The following MSH3 variants were observed in gnomAD, a reference collection of about 807,000 sequenced individuals.
MSH3 encodes the protein DNA mismatch repair protein Msh3.
MSH3 carries 106 observed loss-of-function variants against 123.3 expected under a neutral mutation model. The ratio of observed to expected loss-of-function variants is 0.86; its 90% CI spans 0.73 to 1.01. MSH3 has a LOEUF of 1.01. Ranked by LOEUF, MSH3 falls within the 50% of genes least tolerant of loss-of-function variation. MSH3 has a pLI of 0.00. For missense variants in MSH3, 1,459 were observed against 1,347.6 expected (o/e 1.08, Z -1.29); for synonymous variants, 515 against 481.4 (o/e 1.07, Z -0.91).
chr5:80,779,251 C>T (rs933633397), intron 17 of MSH3, among the ~76,000 whole-genome samples: 1 of 152,078 alleles, frequency 6.6e-6, no homozygotes, highest in African/African-American at 2.4e-5. Context: ...CCTCAGCCTC[C>T]CAAAGTGCTG....
chr5:80,812,749 G>A (rs1289542315), intron 19 of MSH3, among the ~76,000 whole-genome samples: 1 of 151,964 alleles, frequency 6.6e-6, no homozygotes, highest in Non-Finnish European at 1.5e-5. Flanking sequence ...TGTATAGTTG[G>A]GGTTTTGCCA....
At chr5:80,770,663 A>G (rs1177698009) in intron 15 of MSH3, among the ~76,000 whole-genome samples, 1 of 152,226 alleles carries the variant, frequency 6.6e-6, no homozygotes. Flanking sequence ...TAGTCTTTCT[A>G]TTATATTAAT....
At chr5:80,673,579 A>G (rs1164120519) in intron 6 of MSH3, among the ~76,000 whole-genome samples, 2 of 152,162 alleles carry the variant, frequency 1.3e-5, no homozygotes. Flanking sequence ...TGAAAAGAGA[A>G]CTGGCTGAAG....
At chr5:80,786,167 ATAAAT>A (rs1054623032) in intron 17 of MSH3, among the ~76,000 whole-genome samples, 29 of 152,010 alleles carry the variant, frequency 1.9e-4, no homozygotes, top group African/African-American at 5.8e-4. Context: ...TAATTAAAAA[ATAAAT>A]TAAAAAAAAG....
At chr5:80,660,973 A>G (rs2112805883) in intron 2 of MSH3, among the ~76,000 whole-genome samples, 1 of 152,036 alleles carries the variant, frequency 6.6e-6, no homozygotes, top group East Asian at 1.9e-4. Flanking sequence ...TAATTTTTGT[A>G]TTTTTAATAG....
Position 80,873,163 on chromosome 5 carries a change from A to G in MSH3, c.3178A>G (p.Thr1060Ala), listed in dbSNP as rs777682307. Residue 1060 changes from threonine (T) to alanine (A), a missense_variant, in exon 23 of 24, where the codon ACT (threonine) becomes GCT (alanine). Transcript: ENST00000265081. Reference protein sequence around the residue: ...PDFVTFLYQITRGIAARSYGL... With the variant: ...PDFVTFLYQIARGIAARSYGL... Reference sequence around the variant, plus strand: ...TTTTGTCACCTTCCTTTACCAAATAACTAGAGGAATTGCAGCAAGGAGTTA... The same window carrying G: ...TTTTGTCACCTTCCTTTACCAAATAGCTAGAGGAATTGCAGCAAGGAGTTA... 3 of 1,613,834 alleles carry G rather than the reference A, an allele frequency of 1.9e-6. No individual in the cohort carries two copies. Among genetic ancestry groups the G allele is most frequent in the Non-Finnish European group, 2.5e-6 (3 of 1,179,736 alleles).
chr5:80,843,137 C>G (rs1745656842), intron 20 of MSH3, among the ~76,000 whole-genome samples: 1 of 151,814 alleles, frequency 6.6e-6, no homozygotes, highest in East Asian at 1.9e-4. Flanking sequence ...TTGTTGAAGG[C>G]CTTTTCTACA....
chr5:80,789,065 T>A (rs191996408), intron 18 of MSH3, among the ~76,000 whole-genome samples: 9 of 152,290 alleles, frequency 5.9e-5, no homozygotes, highest in African/African-American at 2.2e-4. Flanking sequence ...GATGTAAATT[T>A]TAGTGCAGAA....
rs1339944312 is a variant in MSH3, at chr5:80,768,986, A to G, written c.2236A>G (p.Thr746Ala). The change falls in exon 15 of 24, where the codon ACA (threonine) becomes GCA (alanine). Residue 746 changes from threonine to alanine, a missense_variant. Thr to Ala is a moderately conservative substitution (Grantham distance 58). Transcript: ENST00000265081. Reference sequence around the variant, plus strand: ...AAAAAATCCTTCTGCACAATATGTGACAGTATCAGGACAGGAGGTAATGTC... The same window carrying G: ...AAAAAATCCTTCTGCACAATATGTGGCAGTATCAGGACAGGAGGTAATGTC... Reference protein sequence around the residue: ...ILKNPSAQYVTVSGQEFMIEI... With the variant: ...ILKNPSAQYVAVSGQEFMIEI... 1 of 1,612,928 alleles carries G rather than the reference A, an allele frequency of 6.2e-7. No individual in the cohort carries two copies. Among genetic ancestry groups the G allele is most frequent in the Admixed American group, 1.7e-5 (1 of 59,984 alleles).
At position 80,775,721 on chromosome 5, in the gene MSH3, G is replaced by T. The variant is rs376555325; in HGVS notation, c.2281G>T (p.Val761Leu). 1.3e-5 allele frequency: 20 copies of T among 1,586,736 alleles called. No individual in the cohort carries two copies. In the African/African-American group the frequency reaches 2.0e-4, roughly 16 times the overall value. The change falls in exon 16 of 24, where the codon GTA (valine) becomes TTA (leucine). Residue 761 changes from valine (V) to leucine (L), a missense_variant. Val to Leu is a conservative substitution (Grantham distance 32). Transcript: ENST00000265081. Reference protein sequence around the residue: ...EFMIEIKNSAVSCIPTDWVKV... With the variant: ...EFMIEIKNSALSCIPTDWVKV... ...TATGATAGAAATAAAGAACTCTGCT[G>T]TATCTTGTATACCAACTGATTGGGT...
intron 20 of MSH3, among the ~76,000 whole-genome samples, chr5:80,846,942 A>G (rs1008818108): frequency 2.6e-5 from 4 of 151,456 alleles, no homozygotes; most frequent in African/African-American, 4.9e-5. Context: ...ACCAGTCCCA[A>G]TGAGATAAAG....
At chr5:80,809,906 A>AT (rs569332627) in intron 19 of MSH3, among the ~76,000 whole-genome samples, 197 of 152,196 alleles carry the variant, frequency 1.3e-3, no homozygotes, top group African/African-American at 4.5e-3. Context: ...AATTTATTTG[A>AT]TTTTTTATGA....
At chr5:80,738,902 G>A (rs552707028) in intron 10 of MSH3, among the ~76,000 whole-genome samples, 3 of 152,288 alleles carry the variant, frequency 2.0e-5, no homozygotes, top group African/African-American at 4.8e-5. Context: ...AAGACTTAAA[G>A]GAACTGTTTG....
chr5:80,792,809 CA>C lies in MSH3; in HGVS notation c.2621del (p.Gln874ArgfsTer18), dbSNP rs762828205. ...TGTGATTGATGTGTTGCTGGGAGAA[CA>C]GGATCAATATGTCCCAAATAATACA... ...HPVIDVLLGE[Q>X]DQYVPNNTDL... On this transcript the variant is annotated frameshift_variant, in exon 19 of 24. Transcript: ENST00000265081. LOFTEE classifies it high-confidence loss of function. The C allele has an allele frequency of 6.2e-7, 1 of 1,612,780 alleles. No individual in the cohort carries two copies. Among genetic ancestry groups the C allele is most frequent in the South Asian group, 1.1e-5 (1 of 91,008 alleles).
intron 20 of MSH3, among the ~76,000 whole-genome samples, chr5:80,845,306 G>T (rs1043849978): frequency 9.9e-5 from 15 of 152,108 alleles, no homozygotes; most frequent in Admixed American, 6.6e-5. Flanking sequence ...GTGGGTAACC[G>T]GACCTTTCTC....
At chr5:80,729,429 A>AAAAT (rs1743367469) in intron 10 of MSH3, among the ~76,000 whole-genome samples, 1 of 62,762 alleles carries the variant, frequency 1.6e-5, no homozygotes, top group Non-Finnish European at 3.1e-5. Flanking sequence ...AAAAAAAAAA[A>AAAAT]ATGTGTGTGT....
intron 20 of MSH3, among the ~76,000 whole-genome samples, chr5:80,822,139 A>G (rs1309053940): frequency 6.6e-6 from 1 of 152,216 alleles, no homozygotes; most frequent in African/African-American, 2.4e-5. Context: ...AGAAAACTCA[A>G]GATTCTGTAC....
In MSH3 at chr5:80,718,649, G is replaced by GT. The variant is rs564529831; in HGVS notation, c.1341-6792dup. 9.5e-3 allele frequency among the ~76,000 whole-genome samples: 1,365 copies of GT among 143,692 alleles called. 19 individuals carry two copies. The highest frequency in any genetic ancestry group is 0.026 in the African/African-American group (1,035 of 39,430). The allele number at this position is 143,692 out of a possible 152,430, so 94.3% of individuals were successfully genotyped here. A position where few individuals can be genotyped will look rare whatever the true frequency, so the allele number is the denominator to read the frequency against. ...AATTGAGAGGCTTAATAAAATTCAGGTTTTTTTTTTTTCATAGAAGAGGAA... is the reference window on the plus strand; with the variant it reads ...AATTGAGAGGCTTAATAAAATTCAGGTTTTTTTTTTTTTCATAGAAGAGGAA... On this transcript the variant is annotated intron_variant, in intron 8 of 23. Transcript: ENST00000265081.
intron 12 of MSH3, among the ~76,000 whole-genome samples, chr5:80,760,820 A>G (rs892547642): frequency 1.3e-5 from 2 of 152,134 alleles, no homozygotes; most frequent in South Asian, 4.1e-4. Context: ...GGAGAATGTG[A>G]AAGCTTATTC....
Sources: gnomAD v4.1 joint callset for allele counts (sites outside exome capture counted in the v4.1 genomes callset) on GRCh38, gnomAD v4.1.1 for gene constraint, MANE v1.5 for transcripts, NCBI Gene and HGNC (gene_info 2026-07-23, HGNC 2026-07-21) for gene names.